SAMMSON: variants seen among roughly 807,000 people sequenced by gnomAD.
The protein encoded by SAMMSON is long intergenic non-protein coding RNA 1212.
chr3:70,204,841 G>A (rs2106722801), intron 4 of SAMMSON: 1 of 152,122 alleles, frequency 6.6e-6, no homozygotes, highest in Admixed American at 6.6e-5. Flanking sequence ...GTTTCACTGT[G>A]GATATGTACA....
chr3:70,095,788 G>A lies in SAMMSON; in HGVS notation n.507+24223G>A, dbSNP rs576868260. ...TCTAAGTGTTAACTATAATATTCTT[G>A]TTAACTATAATATGTCAGTGCTTAT... is the stretch of plus-strand genomic sequence containing the variant. On this transcript the variant is annotated intron_variant and non_coding_transcript_variant, in intron 4 of 9. Coordinates refer to ENST00000642114, the Ensembl canonical transcript of SAMMSON. 9.9e-5 allele frequency among the ~76,000 whole-genome samples: 15 copies of A among 152,256 alleles called. No individual in the cohort carries two copies. The South Asian group carries it at 3.1e-3, about 32-fold the overall frequency.
At chr3:70,237,945 A>C (rs1338523164) in intron 4 of SAMMSON, among the ~76,000 whole-genome samples, 1 of 147,106 alleles carries the variant, frequency 6.8e-6, no homozygotes, top group Non-Finnish European at 1.5e-5. Flanking sequence ...GATAATCCTA[A>C]AAGAGAAGGG....
intron 7 of SAMMSON, among the ~76,000 whole-genome samples, chr3:70,339,816 C>A (rs1315644298): frequency 6.6e-6 from 1 of 152,184 alleles, no homozygotes. Flanking sequence ...GGACTGCAAA[C>A]TAGTTCAACC....
intron 4 of SAMMSON, among the ~76,000 whole-genome samples, chr3:70,166,752 A>C (rs1251633047): frequency 6.6e-6 from 1 of 151,976 alleles, no homozygotes; most frequent in Non-Finnish European, 1.5e-5. Context: ...TTCTTTTAGA[A>C]TATTAACATT....
intron 4 of SAMMSON, among the ~76,000 whole-genome samples, chr3:70,080,292 C>T (rs747826578): frequency 3.1e-4 from 47 of 152,158 alleles, no homozygotes; most frequent in Non-Finnish European, 5.7e-4. Context: ...CTAGTCTGGT[C>T]CCTCCTTGCC....
intron 2 of SAMMSON, among the ~76,000 whole-genome samples, chr3:70,422,356 C>A (rs1701320082): frequency 6.6e-6 from 1 of 151,990 alleles, no homozygotes; most frequent in African/African-American, 2.4e-5. Context: ...TGTTTATTAA[C>A]TAACGTACAT....
chr3:70,322,131 A>T (rs2106717528), intron 7 of SAMMSON, among the ~76,000 whole-genome samples: 1 of 152,232 alleles, frequency 6.6e-6, no homozygotes, highest in South Asian at 2.1e-4. Context: ...AATTACTTTA[A>T]AATTATTTAC....
chr3:70,039,638 CACACACTTTCTA>C lies in SAMMSON; in HGVS notation n.417+25967_417+25978del, dbSNP rs1246840075. Among the ~76,000 whole-genome samples, 3 of 140,116 alleles carry C rather than the reference CACACACTTTCTA, an allele frequency of 2.1e-5. No individual in the cohort carries two copies. The Admixed American group carries it at 2.2e-4, about 10-fold the overall frequency. The allele number at this position is 140,116 out of a possible 152,430, so 91.9% of individuals were successfully genotyped here. On this transcript the variant is annotated intron_variant and non_coding_transcript_variant, in intron 3 of 9. Transcript: ENST00000642114. ...ACACACACACACACACACACACACA[CACACACTTTCTA>C]TTGGTTTTTGTTTATCTAGTGAACC...
chr3:70,039,593 TCACACACACACACACACACACACA>T (rs56058406), intron 3 of SAMMSON, among the ~76,000 whole-genome samples: 42 of 135,612 alleles, frequency 3.1e-4, no homozygotes, highest in Non-Finnish European at 5.2e-4. Flanking sequence ...ACACATCTCT[TCACACACACACACACACACACACA>T]CACACACACA....
intron 7 of SAMMSON, among the ~76,000 whole-genome samples, chr3:70,306,143 A>T (rs985729615): frequency 2.0e-5 from 3 of 152,090 alleles, no homozygotes; most frequent in Non-Finnish European, 4.4e-5. Context: ...TTGCTCTCTT[A>T]CTCAGGCTGG....
intron 7 of SAMMSON, among the ~76,000 whole-genome samples, chr3:70,329,864 T>C (rs980132747): frequency 2.6e-5 from 4 of 152,126 alleles, no homozygotes; most frequent in African/African-American, 9.6e-5. Context: ...ATATTTTGGT[T>C]AAAGATTTTC....
chr3:70,267,217 G>T (rs143389829), intron 6 of SAMMSON, among the ~76,000 whole-genome samples: 4,648 of 152,074 alleles, frequency 0.031, 107 homozygotes, highest in Non-Finnish European at 0.048. Context: ...GACAGTAAAA[G>T]AAGTCTCATT....
intron 2 of SAMMSON, among the ~76,000 whole-genome samples, chr3:70,395,643 G>C (rs1302208467): frequency 6.6e-6 from 1 of 152,018 alleles, no homozygotes; most frequent in African/African-American, 2.4e-5. Context: ...CCCAACCCTG[G>C]CAAAGCAGCT....
chr3:70,146,630 C>T (rs1236897616), intron 4 of SAMMSON, among the ~76,000 whole-genome samples: 2 of 151,976 alleles, frequency 1.3e-5, no homozygotes, highest in Non-Finnish European at 2.9e-5. Context: ...AATAAAATCT[C>T]CCAGCAAACT....
At chr3:70,407,270 C>T (rs1701184525) in intron 2 of SAMMSON, among the ~76,000 whole-genome samples, 1 of 152,278 alleles carries the variant, frequency 6.6e-6, no homozygotes, top group African/African-American at 2.4e-5. Context: ...AATCTCATGT[C>T]CTCACATTTC....
chr3:70,217,173 G>A (rs182257738), intron 4 of SAMMSON, among the ~76,000 whole-genome samples: 1 of 152,208 alleles, frequency 6.6e-6, no homozygotes, highest in East Asian at 1.9e-4. Context: ...CCTAAAAGAG[G>A]ACCTGGGAGA....
intron 6 of SAMMSON, among the ~76,000 whole-genome samples, chr3:70,288,520 A>T (rs1299945363): frequency 3.3e-5 from 5 of 150,628 alleles, no homozygotes; most frequent in Admixed American, 1.3e-4. Flanking sequence ...TGGTGCTGAA[A>T]AAAATGTATA....
chr3:70,394,350 T>G (rs758030169), downstream of SAMMSON, among the ~76,000 whole-genome samples: 2 of 152,124 alleles, frequency 1.3e-5, no homozygotes, highest in Admixed American at 6.6e-5. Context: ...AGGTAATAGC[T>G]CACAATTTCC....
At chr3:70,308,699 A>G (rs1333463110) in intron 7 of SAMMSON, among the ~76,000 whole-genome samples, 1 of 152,136 alleles carries the variant, frequency 6.6e-6, no homozygotes, top group Non-Finnish European at 1.5e-5. Context: ...TGCCACACTT[A>G]CACCTTGTCT....
Sources: allele counts gnomAD v4.1 joint callset (sites outside exome capture counted in the v4.1 genomes callset), GRCh38; gene constraint gnomAD v4.1.1; transcripts MANE v1.5; gene names NCBI Gene and HGNC (gene_info 2026-07-23, HGNC 2026-07-21).